Variants in ARHGAP22 observed in about 807,000 individuals in gnomAD.
The protein encoded by ARHGAP22 is Rho GTPase activating protein 22, also known as rho GTPase-activating protein 22.
Under a neutral mutation model 59.1 loss-of-function variants are expected in ARHGAP22, and 48 were observed. That is an observed-to-expected ratio of 0.81 (90% CI 0.64 to 1.03). The LOEUF is 1.03. Ranked by LOEUF, ARHGAP22 falls within the 50% of genes least tolerant of loss-of-function variation. The probability of loss-of-function intolerance (pLI) is 0.00; values close to 1 mark genes in which losing one functional copy is unlikely to be tolerated. For missense variants in ARHGAP22, 1,015 were observed against 958.7 expected (o/e 1.06, Z -0.78); for synonymous variants, 445 against 416.4 (o/e 1.07, Z -0.84).
intron 3 of ARHGAP22, among the ~76,000 whole-genome samples, chr10:48,543,650 C>T (rs1193819616): frequency 6.6e-6 from 1 of 152,182 alleles, no homozygotes; most frequent in Non-Finnish European, 1.5e-5. Context: ...CACTCCAGGC[C>T]TCTGGAGCCA....
intron 8 of ARHGAP22, chr10:48,451,441 G>T (rs944122379): frequency 7.1e-6 from 5 of 702,812 alleles, no homozygotes; most frequent in Non-Finnish European, 1.0e-5. Flanking sequence ...AGGCACCAAG[G>T]CTGCACGGTG....
At chr10:48,520,429 G>A (rs12265171) in intron 3 of ARHGAP22, among the ~76,000 whole-genome samples, 35,907 of 152,068 alleles carry the variant, frequency 0.24, 4,337 homozygotes, top group South Asian at 0.31. Flanking sequence ...TGCTCAGAGC[G>A]TCAGAACTGG....
intron 1 of ARHGAP22, among the ~76,000 whole-genome samples, chr10:48,588,997 G>T (rs2059596292): frequency 6.6e-6 from 1 of 152,206 alleles, no homozygotes; most frequent in African/African-American, 2.4e-5. Context: ...AAGCTAGCCT[G>T]GCACTTGCAA....
At chr10:48,448,625 C>T (rs1326614312) in intron 9 of ARHGAP22, among the ~76,000 whole-genome samples, 1 of 134,060 alleles carries the variant, frequency 7.5e-6, no homozygotes, top group Non-Finnish European at 1.6e-5. Flanking sequence ...CCCATACTTC[C>T]AGAGAACAGG....
intron 1 of ARHGAP22, among the ~76,000 whole-genome samples, chr10:48,610,947 G>A (rs578009652): frequency 4.6e-5 from 7 of 152,304 alleles, no homozygotes; most frequent in South Asian, 2.1e-4. Context: ...GGCTCAGAGC[G>A]GCTTAGTTCC....
At chr10:48,555,799 G>A (rs2057269504) in intron 2 of ARHGAP22, among the ~76,000 whole-genome samples, 1 of 152,192 alleles carries the variant, frequency 6.6e-6, no homozygotes, top group Non-Finnish European at 1.5e-5. Flanking sequence ...CCACAGGCAG[G>A]GGGAACTCTG....
chr10:48,586,401 C>T (rs541427655), intron 1 of ARHGAP22, among the ~76,000 whole-genome samples: 48 of 152,244 alleles, frequency 3.2e-4, no homozygotes, highest in African/African-American at 9.9e-4. Flanking sequence ...AGTGCTTAGA[C>T]GTACAGGTGC....
intron 1 of ARHGAP22, among the ~76,000 whole-genome samples, chr10:48,594,569 A>G (rs1192192437): frequency 6.6e-6 from 1 of 151,624 alleles, no homozygotes; most frequent in African/African-American, 2.4e-5. Flanking sequence ...CCACCCCCAA[A>G]TGTGCTGTCC....
At chr10:48,480,089 G>A (rs1327958723) in intron 3 of ARHGAP22, among the ~76,000 whole-genome samples, 1 of 152,178 alleles carries the variant, frequency 6.6e-6, no homozygotes, top group Non-Finnish European at 1.5e-5. Context: ...GTGCCCCAGG[G>A]TGGCCTCACT....
At chr10:48,516,950 A>T (rs924775178) in intron 3 of ARHGAP22, among the ~76,000 whole-genome samples, 1 of 152,254 alleles carries the variant, frequency 6.6e-6, no homozygotes, top group Non-Finnish European at 1.5e-5. Context: ...AAGTAGCCAT[A>T]CATAGATGAA....
rs547115411 is a variant in ARHGAP22 at position 48,593,621 on chromosome 10, G to A, written c.35-10469C>T. 2.0e-5 allele frequency among the ~76,000 whole-genome samples: 3 copies of A among 152,354 alleles called. No homozygotes were observed. The South Asian group carries it at 6.2e-4, about 32-fold the overall frequency. On this transcript the variant is annotated intron_variant, in intron 1 of 9. Transcript: ENST00000249601. ...TGACCACAGGCAGGTAGCTTAGACA[G>A]TGTGAAGATGCTGGACAAAGAGAGG...
chr10:48,512,202 T>G (rs921027460), intron 3 of ARHGAP22, among the ~76,000 whole-genome samples: 1 of 152,290 alleles, frequency 6.6e-6, no homozygotes, highest in African/African-American at 2.4e-5. Context: ...GCTGCTTTTC[T>G]TATTGTCCTT....
chr10:48,460,899 G>A (rs1390894251), intron 4 of ARHGAP22, among the ~76,000 whole-genome samples: 1 of 152,226 alleles, frequency 6.6e-6, no homozygotes, highest in Non-Finnish European at 1.5e-5. Context: ...CAAATACTGT[G>A]TTATTCCCCT....
chr10:48,645,697 T>C (rs1285955860), intron 1 of ARHGAP22, among the ~76,000 whole-genome samples: 1 of 152,172 alleles, frequency 6.6e-6, no homozygotes, highest in Admixed American at 6.5e-5. Flanking sequence ...ATATCATATG[T>C]AACCATGAAA....
At chr10:48,577,841 C>G (rs1214464953) in intron 2 of ARHGAP22, among the ~76,000 whole-genome samples, 3 of 74,042 alleles carry the variant, frequency 4.1e-5, no homozygotes, top group African/African-American at 5.0e-5. Flanking sequence ...GAGACAGAGT[C>G]TCGCTCTGCT....
At chr10:48,498,060 A>G (rs569629151) in intron 3 of ARHGAP22, among the ~76,000 whole-genome samples, 1 of 152,300 alleles carries the variant, frequency 6.6e-6, no homozygotes, top group Admixed American at 6.5e-5. Context: ...AAGAGGATGC[A>G]GTGCCTCGGG....
At position 48,450,657 on chromosome 10, in the gene ARHGAP22, G is replaced by T; in HGVS notation, c.1472C>A (p.Thr491Asn). The T allele has an allele frequency of 6.4e-7, 1 of 1,550,402 alleles. No homozygotes were observed. Among genetic ancestry groups the T allele is most frequent in the Non-Finnish European group, 8.7e-7 (1 of 1,147,100 alleles). ...GCCCGGCGCGGGCACATTGTCGTAG[G>T]TGGAGAGTCTCTGCACGGAGCCCGA... Reference protein sequence around the residue: ...KDSGSVQRLSTYDNVPAPGLV... With the variant: ...KDSGSVQRLSNYDNVPAPGLV... The change falls in exon 9 of 10, where the codon ACC (threonine) becomes AAC (asparagine). Residue 491 changes from threonine to asparagine, a missense_variant. Physicochemically the swap from Thr to Asn is moderately conservative, Grantham distance 65. Transcript: ENST00000249601.
Position 48,649,208 on chromosome 10 carries a change from GC to G in ARHGAP22, c.52+3025del, listed in dbSNP as rs576165368. 9.2e-5 allele frequency among the ~76,000 whole-genome samples: 14 copies of G among 152,154 alleles called. No individual in the cohort carries two copies. The South Asian group carries it at 2.9e-3, about 32-fold the overall frequency. On this transcript the variant is annotated intron_variant, in intron 1 of 9. Transcript: ENST00000435790. ...ATTACCCCATTCCAACTGCTTCAGCGCCCCTCTCTCTAAGTCCCCTATTCTC... is the reference window on the plus strand; with the variant it reads ...ATTACCCCATTCCAACTGCTTCAGCGCCCTCTCTCTAAGTCCCCTATTCTC...
rs144807587 is a variant in ARHGAP22, at chr10:48,651,932, G to A, written c.52+302C>T. Reference sequence around the variant, plus strand: ...TGTGAAGGACTTGCCTACTGCCCCAGCGGTCCTTGGACATAGGAGTCCTTA... The same window carrying A: ...TGTGAAGGACTTGCCTACTGCCCCAACGGTCCTTGGACATAGGAGTCCTTA... On this transcript the variant is annotated intron_variant, in intron 1 of 9. Transcript: ENST00000435790. Among the ~76,000 whole-genome samples the A allele has an allele frequency of 1.5e-3, 233 of 152,194 alleles. 1 individual carries two copies. Among genetic ancestry groups the A allele is most frequent in the African/African-American group, 5.3e-3 (219 of 41,512 alleles).
Sources: allele counts gnomAD v4.1 joint callset (sites outside exome capture counted in the v4.1 genomes callset), GRCh38; gene constraint gnomAD v4.1.1; transcripts MANE v1.5; gene names NCBI Gene and HGNC (gene_info 2026-07-23, HGNC 2026-07-21).